The following FHIT variants were observed in gnomAD, a reference collection of about 807,000 sequenced individuals.
FHIT encodes the protein fragile histidine triad diadenosine triphosphatase.
In FHIT, 19 loss-of-function variants were observed where a neutral mutation model predicts 17.9. The ratio of observed to expected loss-of-function variants is 1.06; its 90% CI spans 0.74 to 1.56. The LOEUF (loss-of-function observed/expected upper bound fraction) is 1.56. Among genes scored for constraint, FHIT ranks in the 40% most tolerant of loss-of-function variants. The pLI is 0.00. For synonymous variants in FHIT, 81 were observed against 69.7 expected (o/e 1.16, Z -0.81); for missense variants, 248 against 189.2 (o/e 1.31, Z -1.82).
At chr3:60,986,078 C>A (rs1710709206) in intron 3 of FHIT, among the ~76,000 whole-genome samples, 1 of 152,206 alleles carries the variant, frequency 6.6e-6, no homozygotes, top group South Asian at 2.1e-4. Context: ...GTAGAATAAT[C>A]TCTCATTCTC....
chr3:60,744,269 A>AAAAAAAAAAAAAAAAAAAAAAAC (rs2042306809), intron 4 of FHIT, among the ~76,000 whole-genome samples: 8 of 16,042 alleles, frequency 5.0e-4, no homozygotes, highest in African/African-American at 7.1e-4. Flanking sequence ...AAAACAAAAC[A>AAAAAAAAAAAAAAAAAAAAAAAC]AAAAAAAAAA....
At chr3:60,156,225 C>T (rs1228512200) in intron 5 of FHIT, among the ~76,000 whole-genome samples, 3 of 151,718 alleles carry the variant, frequency 2.0e-5, no homozygotes, top group Non-Finnish European at 4.4e-5. Flanking sequence ...GGTGATGCTC[C>T]TGTAATCCCA....
intron 5 of FHIT, among the ~76,000 whole-genome samples, chr3:60,224,809 C>G (rs754416487): frequency 5.9e-5 from 9 of 151,928 alleles, no homozygotes; most frequent in Non-Finnish European, 1.0e-4. Flanking sequence ...AAAACTCCGG[C>G]TCCCAGGTTC....
At chr3:60,284,118 A>G (rs1456762177) in intron 5 of FHIT, among the ~76,000 whole-genome samples, 1 of 152,154 alleles carries the variant, frequency 6.6e-6, no homozygotes, top group Non-Finnish European at 1.5e-5. Flanking sequence ...AAGGAAGAAG[A>G]ACAGTATATA....
At position 59,748,640 on chromosome 3, in the gene FHIT, A is replaced by G. The variant is rs974602327; in HGVS notation, c.*945T>C. Among the ~76,000 whole-genome samples the G allele has an allele frequency of 1.3e-5, 2 of 152,204 alleles. No individual in the cohort carries two copies. The highest frequency in any genetic ancestry group is 3.4e-3 in the Middle Eastern group (1 of 294). On this transcript the variant is annotated 3_prime_UTR_variant, in exon 10 of 10. Coordinates refer to ENST00000492590, the MANE Select transcript of FHIT (RefSeq NM_002012.4). The stretch of plus-strand genomic sequence containing the variant: ...AGGCTAAGAAGACTATTTGGAGGGT[A>G]CAAGGGGAGATGGGACAGGGAGAAG...
intron 5 of FHIT, among the ~76,000 whole-genome samples, chr3:60,385,055 T>A (rs1008522587): frequency 2.6e-5 from 4 of 152,208 alleles, no homozygotes; most frequent in African/African-American, 9.7e-5. Context: ...CAACAGACTT[T>A]TGTTAAACAA....
intron 4 of FHIT, among the ~76,000 whole-genome samples, chr3:60,733,283 T>C (rs2042070220): frequency 6.6e-6 from 1 of 152,242 alleles, no homozygotes; most frequent in Admixed American, 6.5e-5. Flanking sequence ...ATCTTTCAGT[T>C]ATTACAGAAA....
intron 4 of FHIT, among the ~76,000 whole-genome samples, chr3:60,761,096 A>G (rs143570597): frequency 6.6e-6 from 1 of 152,300 alleles, no homozygotes; most frequent in Admixed American, 6.5e-5. Context: ...GGGGGGAAAG[A>G]CTAATGACCT....
chr3:60,001,990 C>A (rs531311074), intron 7 of FHIT, among the ~76,000 whole-genome samples: 9 of 152,050 alleles, frequency 5.9e-5, no homozygotes, highest in African/African-American at 1.7e-4. Flanking sequence ...GATATATGGA[C>A]CCCAGAGTGG....
intron 2 of FHIT, among the ~76,000 whole-genome samples, chr3:61,105,276 T>C (rs1052087091): frequency 6.6e-6 from 1 of 151,918 alleles, no homozygotes; most frequent in Non-Finnish European, 1.5e-5. Flanking sequence ...ACCTTGAGGG[T>C]TTCATTGTGG....
intron 5 of FHIT, among the ~76,000 whole-genome samples, chr3:60,285,752 T>C (rs1400265106): frequency 6.6e-6 from 1 of 152,228 alleles, no homozygotes; most frequent in Non-Finnish European, 1.5e-5. Context: ...CAGCTAGAAC[T>C]CTATTTTTTA....
intron 5 of FHIT, among the ~76,000 whole-genome samples, chr3:60,409,880 T>C (rs1399904592): frequency 6.6e-6 from 1 of 152,198 alleles, no homozygotes. Flanking sequence ...GAGGAATATT[T>C]GCTATGGCTC....
intron 3 of FHIT, among the ~76,000 whole-genome samples, chr3:60,944,155 C>G (rs1490526021): frequency 6.6e-6 from 1 of 152,226 alleles, no homozygotes; most frequent in Non-Finnish European, 1.5e-5. Flanking sequence ...GAAATTTGAA[C>G]TTTACCCTAC....
intron 8 of FHIT, among the ~76,000 whole-genome samples, chr3:59,874,303 G>T (rs1168797687): frequency 6.6e-6 from 1 of 152,134 alleles, no homozygotes; most frequent in Non-Finnish European, 1.5e-5. Context: ...CTGTATTCAC[G>T]AAATGCCAAG....
intron 3 of FHIT, among the ~76,000 whole-genome samples, chr3:60,948,564 A>G (rs1163917982): frequency 6.6e-6 from 1 of 152,168 alleles, no homozygotes; most frequent in African/African-American, 2.4e-5. Context: ...ATTGAATTCC[A>G]CTGGGGACAA....
chr3:60,948,119 C>A (rs58345819), intron 3 of FHIT, among the ~76,000 whole-genome samples: 15,880 of 152,130 alleles, frequency 0.1, 1,124 homozygotes, highest in East Asian at 0.26. Flanking sequence ...GAGGCAAAAT[C>A]TTTTCCTTAA....
At chr3:61,211,538 A>T (rs1292928154) in intron 1 of FHIT, among the ~76,000 whole-genome samples, 1 of 152,204 alleles carries the variant, frequency 6.6e-6, no homozygotes, top group Non-Finnish European at 1.5e-5. Flanking sequence ...CATCTCAAGG[A>T]GGCCTGCCTG....
chr3:60,639,952 C>G lies in FHIT; in HGVS notation c.-17-102973G>C, dbSNP rs144129587. On this transcript the variant is annotated intron_variant, in intron 4 of 9. Transcript: ENST00000492590. ...AATAACCATACAATGGAATACTATT[C>G]TGCAATAAAAAGGAACATTAACACA... Among the ~76,000 whole-genome samples the G allele has an allele frequency of 4.2e-3, 642 of 152,296 alleles. 2 individuals carry two copies. Among genetic ancestry groups the G allele is most frequent in the African/African-American group, 0.015 (614 of 41,572 alleles).
At chr3:60,255,590 G>A (rs894462557) in intron 5 of FHIT, among the ~76,000 whole-genome samples, 51 of 152,118 alleles carry the variant, frequency 3.4e-4, no homozygotes, top group African/African-American at 1.2e-3. Context: ...TCCAAAAGCC[G>A]CCCCAAATCT....
Sources: gnomAD v4.1 joint callset for allele counts (sites outside exome capture counted in the v4.1 genomes callset) on GRCh38, gnomAD v4.1.1 for gene constraint, MANE v1.5 for transcripts, NCBI Gene and HGNC (gene_info 2026-07-23, HGNC 2026-07-21) for gene names.